The following CSMD3 variants were observed in gnomAD, a reference collection of about 807,000 sequenced individuals.
The protein encoded by CSMD3 is CUB and Sushi multiple domains 3, also known as CUB and sushi domain-containing protein 3.
CSMD3 carries 177 observed loss-of-function variants against 435.2 expected under a neutral mutation model. That is an observed-to-expected ratio of 0.41 (90% CI 0.36 to 0.46). CSMD3 has a LOEUF of 0.46. Ranked by LOEUF, CSMD3 falls within the 20% of genes least tolerant of loss-of-function variation. The pLI is 0.34. For missense variants in CSMD3, 4,265 were observed against 4,504.6 expected (o/e 0.95, Z 1.52); for synonymous variants, 1,656 against 1,520.5 (o/e 1.09, Z -2.07).
intron 13 of CSMD3, among the ~76,000 whole-genome samples, chr8:112,717,570 C>T (rs2076762118): frequency 6.6e-6 from 1 of 151,970 alleles, no homozygotes; most frequent in Admixed American, 6.6e-5. Context: ...GGGTATATAC[C>T]CAAAGGAATA....
chr8:112,676,414 T>A (rs534454210), intron 16 of CSMD3, among the ~76,000 whole-genome samples: 1 of 152,174 alleles, frequency 6.6e-6, no homozygotes, highest in East Asian at 1.9e-4. Flanking sequence ...AGTAGCATAT[T>A]TAATAAAATA....
intron 6 of CSMD3, among the ~76,000 whole-genome samples, chr8:113,005,731 A>C (rs1446086767): frequency 6.6e-6 from 1 of 152,076 alleles, no homozygotes; most frequent in East Asian, 1.9e-4. Context: ...CATTTAGATT[A>C]TCAGCTTAAT....
intron 5 of CSMD3, among the ~76,000 whole-genome samples, chr8:113,028,560 G>A (rs777501009): frequency 4.6e-5 from 7 of 151,474 alleles, no homozygotes; most frequent in African/African-American, 1.2e-4. Context: ...ATTATTGAAC[G>A]AAATCACAAA....
chr8:112,627,794 T>C (rs1834609293), intron 22 of CSMD3, among the ~76,000 whole-genome samples: 1 of 152,136 alleles, frequency 6.6e-6, no homozygotes, highest in South Asian at 2.1e-4. Context: ...TGGTTCCTGA[T>C]GATCACATGG....
intron 1 of CSMD3, among the ~76,000 whole-genome samples, chr8:113,334,489 T>C (rs1417304643): frequency 1.3e-5 from 2 of 152,008 alleles, no homozygotes; most frequent in African/African-American, 2.4e-5. Context: ...TGCTGATATT[T>C]TGCTTAGGGA....
chr8:112,797,457 A>G (rs2078855919), intron 13 of CSMD3, among the ~76,000 whole-genome samples: 1 of 151,944 alleles, frequency 6.6e-6, no homozygotes, highest in Non-Finnish European at 1.5e-5. Flanking sequence ...GAATAAAACT[A>G]TATCACAAAA....
intron 61 of CSMD3, among the ~76,000 whole-genome samples, chr8:112,256,400 G>T (rs538826335): frequency 2.1e-4 from 32 of 152,060 alleles, no homozygotes; most frequent in Non-Finnish European, 1.9e-4. Flanking sequence ...GGTGGCAAAG[G>T]TGTCTCTCAC....
chr8:112,476,994 T>C (rs1030170909), intron 31 of CSMD3, among the ~76,000 whole-genome samples: 2 of 152,192 alleles, frequency 1.3e-5, no homozygotes, highest in East Asian at 3.8e-4. Context: ...CTCAGGACAG[T>C]GTCTGTACAT....
At chr8:113,341,477 C>A (rs969694499) in intron 1 of CSMD3, among the ~76,000 whole-genome samples, 5 of 152,134 alleles carry the variant, frequency 3.3e-5, no homozygotes, top group Non-Finnish European at 7.4e-5. Context: ...CTAGATGCCA[C>A]ACACTGTACT....
rs1819287900 is a variant in CSMD3 at position 112,287,166 on chromosome 8, T to C, written c.9229A>G (p.Thr3077Ala). Residue 3077 changes from threonine (T) to alanine (A), a missense_variant, in exon 58 of 71, where the codon ACT becomes GCT. Physicochemically the swap from Thr to Ala is moderately conservative, Grantham distance 58. Transcript: ENST00000297405. The part of the protein sequence containing the change: ...RQESNFRTKS[T>A]VRYACDTGYI... ...CCAGTATCACAAGCATAACGTACAG[T>C]ACTTTTAGTTCTGAAATTGCTTTCC... The C allele has an allele frequency of 6.2e-7, 1 of 1,613,700 alleles. No homozygotes were observed. Among genetic ancestry groups the C allele is most frequent in the African/African-American group, 1.3e-5 (1 of 75,028 alleles).
At chr8:112,658,712 C>T (rs890199320) in intron 17 of CSMD3, among the ~76,000 whole-genome samples, 19 of 152,126 alleles carry the variant, frequency 1.2e-4, no homozygotes, top group Admixed American at 3.9e-4. Flanking sequence ...AATTCCAGCA[C>T]TTTGGGAGGC....
intron 5 of CSMD3, among the ~76,000 whole-genome samples, chr8:113,076,862 T>C (rs1564286205): frequency 1.3e-5 from 2 of 152,130 alleles, no homozygotes; most frequent in South Asian, 2.1e-4. Context: ...TACTAAACTT[T>C]TAAAAATTCA....
At chr8:112,762,009 G>A (rs2077850971) in intron 13 of CSMD3, among the ~76,000 whole-genome samples, 1 of 151,956 alleles carries the variant, frequency 6.6e-6, no homozygotes, top group Admixed American at 6.6e-5. Context: ...TGCTTGAAAA[G>A]TTGTTATTAT....
chr8:113,335,565 G>GTTTTTTTTTTTTTTTTTTTT, intron 1 of CSMD3, among the ~76,000 whole-genome samples: 1 of 98,126 alleles, frequency 1.0e-5, no homozygotes, highest in Non-Finnish European at 1.9e-5. Flanking sequence ...TTTTTTTTGG[G>GTTTTTTTTTTTTTTTTTTTT]TATTTACATG....
intron 5 of CSMD3, among the ~76,000 whole-genome samples, chr8:113,047,565 A>G (rs2087889747): frequency 6.6e-6 from 1 of 152,244 alleles, no homozygotes; most frequent in South Asian, 2.1e-4. Context: ...ATGTTGAACA[A>G]TTAAATCCCA....
intron 45 of CSMD3, 99 bp downstream of exon 45, chr8:112,335,230 T>A: frequency 8.3e-7 from 1 of 1,197,974 alleles, no homozygotes; most frequent in Non-Finnish European, 1.2e-6. Flanking sequence ...TAAATTTTAA[T>A]ACCTTTTCAA....
chr8:112,386,053 G>A (rs1167746442), intron 36 of CSMD3, among the ~76,000 whole-genome samples: 1 of 152,150 alleles, frequency 6.6e-6, no homozygotes, highest in Non-Finnish European at 1.5e-5. Flanking sequence ...TGAACACGGA[G>A]GCAGAAATTG....
At chr8:112,880,719 G>A (rs1326969604) in intron 10 of CSMD3, among the ~76,000 whole-genome samples, 2 of 151,886 alleles carry the variant, frequency 1.3e-5, no homozygotes, top group African/African-American at 4.8e-5. Context: ...ACAGTTGTTG[G>A]ATTTTTGTTT....
intron 32 of CSMD3, among the ~76,000 whole-genome samples, chr8:112,434,723 A>G (rs1249059207): frequency 2.0e-5 from 3 of 152,120 alleles, no homozygotes; most frequent in African/African-American, 7.2e-5. Flanking sequence ...CAATGTGTTC[A>G]CAAGGATACA....
Sources: allele counts gnomAD v4.1 joint callset (sites outside exome capture counted in the v4.1 genomes callset), GRCh38; gene constraint gnomAD v4.1.1; transcripts MANE v1.5; gene names NCBI Gene and HGNC (gene_info 2026-07-23, HGNC 2026-07-21).